Variants in CDH17 observed in about 807,000 individuals in gnomAD.
CDH17 encodes the protein cadherin 17.
Under a neutral mutation model 86.3 loss-of-function variants are expected in CDH17, and 67 were observed. The ratio of observed to expected loss-of-function variants is 0.78; its 90% CI spans 0.64 to 0.95. The LOEUF is 0.95. CDH17 is among the 40% of genes least tolerant of loss of function. The pLI is 0.00. For synonymous variants in CDH17, 367 were observed against 366.4 expected (o/e 1.00, Z -0.02); for missense variants, 993 against 1,017.6 (o/e 0.98, Z 0.33).
chr8:94,152,212 T>C (rs1230985636), intron 12 of CDH17, 100 bp from the exon 13 acceptor site: 14 of 1,296,860 alleles, frequency 1.1e-5, no homozygotes, highest in Non-Finnish European at 1.5e-5. Context: ...CGATATATAA[T>C]ATTGGAAAAA....
intron 1 of CDH17, among the ~76,000 whole-genome samples, chr8:94,200,103 G>A (rs559330232): frequency 3.9e-5 from 6 of 152,258 alleles, no homozygotes; most frequent in East Asian, 1.9e-4. Context: ...GCCTTTACCC[G>A]AATGATTCAA....
chr8:94,217,181 T>C (rs1814207177), intron 1 of CDH17: 1 of 152,280 alleles, frequency 6.6e-6, no homozygotes, highest in Non-Finnish European at 1.5e-5. Context: ...GTGAGCCTCC[T>C]GCCCAGCTCT....
intron 3 of CDH17, among the ~76,000 whole-genome samples, chr8:94,185,462 G>C (rs192077993): frequency 1.3e-5 from 2 of 152,240 alleles, no homozygotes; most frequent in Admixed American, 1.3e-4. Context: ...TTACTGGCTA[G>C]GATCCCCAGA....
At chr8:94,171,682 C>T (rs1402334311) in intron 7 of CDH17, among the ~76,000 whole-genome samples, 1 of 152,096 alleles carries the variant, frequency 6.6e-6, no homozygotes, top group African/African-American at 2.4e-5. Context: ...TGTTATATCT[C>T]ATTTAATCTC....
intron 15 of CDH17, among the ~76,000 whole-genome samples, chr8:94,144,273 T>C (rs1267546999): frequency 6.6e-6 from 1 of 152,202 alleles, no homozygotes; most frequent in East Asian, 1.9e-4. Flanking sequence ...TGTCGTCTTA[T>C]GTGAGTATGG....
At chr8:94,162,571 T>G (rs1184846356) in intron 10 of CDH17, among the ~76,000 whole-genome samples, 1 of 152,190 alleles carries the variant, frequency 6.6e-6, no homozygotes, top group Non-Finnish European at 1.5e-5. Flanking sequence ...AGTGGCTGTC[T>G]CTCCTTCTCT....
intron 10 of CDH17, among the ~76,000 whole-genome samples, chr8:94,163,608 G>A (rs1476047716): frequency 6.6e-6 from 1 of 152,206 alleles, no homozygotes; most frequent in African/African-American, 2.4e-5. Flanking sequence ...CCTTAACCCT[G>A]CCCACAACCT....
chr8:94,164,176 T>C (rs7842215), intron 10 of CDH17, among the ~76,000 whole-genome samples: 70,049 of 152,028 alleles, frequency 0.46, 18,283 homozygotes, highest in African/African-American at 0.72. Context: ...CTCCCATAAG[T>C]CCTACATGAT....
intron 1 of CDH17, among the ~76,000 whole-genome samples, chr8:94,199,040 TATA>T (rs1813842050): frequency 4.2e-5 from 1 of 23,952 alleles, no homozygotes; most frequent in Non-Finnish European, 7.5e-5. Context: ...TTCTGATTGA[TATA>T]TATATATATA....
At chr8:94,132,589 G>T (rs886777180) in intron 15 of CDH17, among the ~76,000 whole-genome samples, 1 of 147,668 alleles carries the variant, frequency 6.8e-6, no homozygotes, top group African/African-American at 2.5e-5. Context: ...TGGGTAGATT[G>T]CAGAAATGTT....
At chr8:94,151,085 C>G (rs16916592) in intron 13 of CDH17, among the ~76,000 whole-genome samples, 1 of 152,122 alleles carries the variant, frequency 6.6e-6, no homozygotes, top group Non-Finnish European at 1.5e-5. Flanking sequence ...CATAGCCACA[C>G]GCGTGATTTA....
In CDH17 at chr8:94,128,089, C is replaced by T. The variant is rs955968646; in HGVS notation, c.*151G>A. On this transcript the variant is annotated 3_prime_UTR_variant, in exon 18 of 18. Coordinates refer to ENST00000027335, the MANE Select transcript of CDH17 (RefSeq NM_004063.4). ...GCCTGGGCGACAGAGCAAGACTCCACCTCAAAAAAGAAATATTTAGCAAAT... is the reference window on the plus strand; with the variant it reads ...GCCTGGGCGACAGAGCAAGACTCCATCTCAAAAAAGAAATATTTAGCAAAT... 3 of 609,926 alleles carry T rather than the reference C, an allele frequency of 4.9e-6. No homozygotes were observed. Among genetic ancestry groups the T allele is most frequent in the African/African-American group, 3.7e-5 (2 of 53,730 alleles). The allele number at this position is 609,926 out of a possible 1,614,324, so 37.8% of individuals were successfully genotyped here. A position where few individuals can be genotyped will look rare whatever the true frequency, so the allele number is the denominator to read the frequency against.
intron 15 of CDH17, among the ~76,000 whole-genome samples, chr8:94,138,626 A>G (rs948247064): frequency 4.6e-5 from 7 of 152,220 alleles, no homozygotes; most frequent in Non-Finnish European, 8.8e-5. Context: ...AGTACTGATC[A>G]GTGTATTTAT....
chr8:94,195,336 G>A (rs779233597), intron 1 of CDH17, among the ~76,000 whole-genome samples: 1 of 152,118 alleles, frequency 6.6e-6, no homozygotes, highest in Non-Finnish European at 1.5e-5. Context: ...TGGAGAAGAT[G>A]TATTTTGGCA....
At chr8:94,216,563 G>GT (rs368207788) in intron 1 of CDH17, among the ~76,000 whole-genome samples, 132,993 of 142,126 alleles carry the variant, frequency 0.94, 62,551 homozygotes, top group East Asian at 0.98. Flanking sequence ...CAGAGGGTTT[G>GT]TTTTTTTTTT....
chr8:94,168,129 T>TATATATATATAC (rs1272379309), intron 9 of CDH17, among the ~76,000 whole-genome samples: 5 of 100,466 alleles, frequency 5.0e-5, no homozygotes, highest in African/African-American at 2.1e-4. Context: ...TATATATATA[T>TATATATATATAC]ATATATATAT....
At chr8:94,152,455 G>A (rs759577201) in intron 12 of CDH17, among the ~76,000 whole-genome samples, 21 of 152,270 alleles carry the variant, frequency 1.4e-4, no homozygotes, top group Non-Finnish European at 2.4e-4. Context: ...GTGCAGTGGC[G>A]CAATCTTGGC....
chr8:94,172,703 T>G (rs559506777), intron 7 of CDH17, among the ~76,000 whole-genome samples: 185 of 152,284 alleles, frequency 1.2e-3, no homozygotes, highest in Middle Eastern at 6.8e-3. Context: ...CCCACAGCTT[T>G]CATGTGGAGG....
intron 15 of CDH17, among the ~76,000 whole-genome samples, chr8:94,140,286 C>G (rs1474855561): frequency 6.8e-6 from 1 of 146,472 alleles, no homozygotes; most frequent in African/African-American, 2.4e-5. Context: ...AAAAATTAGC[C>G]AAGTGTGGTA....
Sources: gnomAD v4.1 joint callset for allele counts (sites outside exome capture counted in the v4.1 genomes callset) on GRCh38, gnomAD v4.1.1 for gene constraint, MANE v1.5 for transcripts, NCBI Gene and HGNC (gene_info 2026-07-23, HGNC 2026-07-21) for gene names.